CALCR: variants seen among roughly 807,000 people sequenced by gnomAD.
CALCR encodes calcitonin receptor.
CALCR carries 47 observed loss-of-function variants against 59.5 expected under a neutral mutation model. That is an observed-to-expected ratio of 0.79 (90% confidence interval 0.63 to 1.01). The LOEUF (loss-of-function observed/expected upper bound fraction) is 1.01. Ranked by LOEUF, CALCR falls within the 50% of genes least tolerant of loss-of-function variation. The pLI is 0.00. For synonymous variants in CALCR, 213 were observed against 211.3 expected (o/e 1.01, Z -0.07); for missense variants, 566 against 597.1 (o/e 0.95, Z 0.54).
chr7:93,465,858 C>A (rs774791676), intron 7 of CALCR, among the ~76,000 whole-genome samples: 1 of 151,670 alleles, frequency 6.6e-6, no homozygotes, highest in Non-Finnish European at 1.5e-5. Flanking sequence ...GAGTAATATC[C>A]CAAGTTTTTA....
intron 6 of CALCR, among the ~76,000 whole-genome samples, chr7:93,469,341 C>T (rs17787723): frequency 0.32 from 47,525 of 147,414 alleles, 9,181 homozygotes; most frequent in Non-Finnish European, 0.44. Flanking sequence ...TTTTTTTTCA[C>T]GATCATGGTT....
intron 2 of CALCR, among the ~76,000 whole-genome samples, chr7:93,491,438 GC>G (rs1485341656): frequency 6.6e-6 from 1 of 152,008 alleles, no homozygotes; most frequent in Non-Finnish European, 1.5e-5. Context: ...CTTCTGCGCA[GC>G]AAAAGAAACT....
chr7:93,477,609 C>A lies in CALCR; in HGVS notation c.265G>T (p.Val89Leu), dbSNP rs1384308512. 1.2e-6 allele frequency: 2 copies of A among 1,611,444 alleles called. No individual in the cohort carries two copies. Among genetic ancestry groups the A allele is most frequent in the Non-Finnish European group, 1.7e-6 (2 of 1,178,558 alleles). Residue 89 changes from valine to leucine, a missense_variant, in exon 5 of 14, where the codon GTA becomes TTA. Transcript: ENST00000426151. ...TCTGGGCAGAACTGATAGGACAATA[C>A]TCCAGCCGGTGTGTCATCCCAGCAC... Reference protein sequence around the residue: ...WLCWDDTPAGVLSYQFCPDYF... With the variant: ...WLCWDDTPAGLLSYQFCPDYF...
intron 9 of CALCR, 91 bp from the exon 10 acceptor site, chr7:93,438,361 A>T: frequency 1.1e-6 from 1 of 916,322 alleles, no homozygotes; most frequent in Non-Finnish European, 1.8e-6. Flanking sequence ...ACTTGCAAAA[A>T]TACTGGCAAA....
chr7:93,516,007 C>A (rs1584599998), intron 2 of CALCR, among the ~76,000 whole-genome samples: 2 of 151,798 alleles, frequency 1.3e-5, no homozygotes, highest in East Asian at 3.9e-4. Context: ...CATAGTATAA[C>A]TGAATTTTAT....
intron 5 of CALCR, among the ~76,000 whole-genome samples, chr7:93,473,972 T>C (rs946105005): frequency 3.3e-5 from 5 of 151,696 alleles, no homozygotes; most frequent in African/African-American, 1.2e-4. Flanking sequence ...TAAGTTCTCA[T>C]GGGGATGACT....
At chr7:93,514,435 A>G (rs1466235248) in intron 2 of CALCR, among the ~76,000 whole-genome samples, 2 of 151,994 alleles carry the variant, frequency 1.3e-5, no homozygotes, top group East Asian at 1.9e-4. Flanking sequence ...CAGTGCTTCA[A>G]TACTTCAAGA....
At chr7:93,464,206 T>A (rs370126298) in intron 7 of CALCR, among the ~76,000 whole-genome samples, 1 of 152,030 alleles carries the variant, frequency 6.6e-6, no homozygotes, top group African/African-American at 2.4e-5. Context: ...GCATTTGATA[T>A]TGGTCTTGAG....
chr7:93,473,589 C>CTT (rs1562987822), intron 5 of CALCR, among the ~76,000 whole-genome samples: 3 of 121,158 alleles, frequency 2.5e-5, no homozygotes, highest in Admixed American at 1.7e-4. Flanking sequence ...GGCCCCCCCC[C>CTT]CTTTTTTTTT....
intron 8 of CALCR, among the ~76,000 whole-genome samples, chr7:93,452,998 C>A (rs991618069): frequency 1.3e-5 from 2 of 151,936 alleles, no homozygotes; most frequent in Admixed American, 6.6e-5. Context: ...AGACCACAGC[C>A]CTTCAGGTTA....
At chr7:93,484,390 C>G (rs73421318) in intron 3 of CALCR, among the ~76,000 whole-genome samples, 176 of 151,772 alleles carry the variant, frequency 1.2e-3, no homozygotes, top group African/African-American at 3.9e-3. Flanking sequence ...GTGTATGGAC[C>G]CAAGCTGCTG....
intron 2 of CALCR, among the ~76,000 whole-genome samples, chr7:93,524,088 A>C: frequency 6.6e-6 from 1 of 152,038 alleles, no homozygotes; most frequent in East Asian, 1.9e-4. Context: ...AAAATGAAAA[A>C]TATATAAAGA....
chr7:93,479,517 A>G lies in CALCR; in HGVS notation c.52-10T>C. The stretch of plus-strand genomic sequence containing the variant: ...GAATTGGGGTTGGGTGCTGTATTAA[A>G]AAGAAAAATCAGTTACTTATAGACA... On this transcript the variant is annotated splice_polypyrimidine_tract_variant and intron_variant, in intron 3 of 13. Coordinates refer to ENST00000426151, the MANE Select transcript of CALCR (RefSeq NM_001742.4). 6.2e-7 allele frequency: 1 copy of G among 1,608,892 alleles called. No individual in the cohort carries two copies.
chr7:93,570,993 A>T (rs1472875535), intron 2 of CALCR, among the ~76,000 whole-genome samples: 1 of 152,214 alleles, frequency 6.6e-6, no homozygotes, highest in African/African-American at 2.4e-5. Context: ...CACTTTTAAT[A>T]TAAAATTTTA....
chr7:93,494,182 A>G (rs779605610), intron 2 of CALCR, among the ~76,000 whole-genome samples: 1 of 151,386 alleles, frequency 6.6e-6, no homozygotes, highest in Non-Finnish European at 1.5e-5. Context: ...ATGAAGGTGA[A>G]TATGTGGTGA....
intron 2 of CALCR, among the ~76,000 whole-genome samples, chr7:93,537,044 G>A (rs767751176): frequency 6.6e-6 from 1 of 151,150 alleles, no homozygotes; most frequent in Admixed American, 6.6e-5. Flanking sequence ...TCTGGATAAA[G>A]AACATACAGG....
intron 2 of CALCR, among the ~76,000 whole-genome samples, chr7:93,560,658 TG>T (rs1789724679): frequency 6.6e-6 from 1 of 152,194 alleles, no homozygotes; most frequent in African/African-American, 2.4e-5. Context: ...GTTTATTTGC[TG>T]TGACCATGTG....
At chr7:93,496,564 C>T (rs879703320) in intron 2 of CALCR, among the ~76,000 whole-genome samples, 3 of 151,488 alleles carry the variant, frequency 2.0e-5, no homozygotes, top group Non-Finnish European at 4.4e-5. Flanking sequence ...TCAACATTCT[C>T]TAGCCTTGGT....
intron 2 of CALCR, among the ~76,000 whole-genome samples, chr7:93,529,556 C>T (rs1788777925): frequency 6.6e-6 from 1 of 152,124 alleles, no homozygotes; most frequent in Admixed American, 6.6e-5. Flanking sequence ...ACAAGAACTA[C>T]ATATTTATTT....
Sources: gnomAD v4.1 joint callset for allele counts (sites outside exome capture counted in the v4.1 genomes callset) on GRCh38, gnomAD v4.1.1 for gene constraint, MANE v1.5 for transcripts, NCBI Gene and HGNC (gene_info 2026-07-23, HGNC 2026-07-21) for gene names.